Variants in DLG2 observed in about 807,000 individuals in gnomAD.
DLG2 encodes the protein discs large MAGUK scaffold protein 2, also known as disks large homolog 2.
DLG2 carries 45 observed loss-of-function variants against 132.5 expected under a neutral mutation model. That is an observed-to-expected ratio of 0.34 (90% CI 0.27 to 0.44). The LOEUF is 0.44. DLG2 is among the 20% of genes least tolerant of loss of function. The pLI, the probability that DLG2 is intolerant of heterozygous loss-of-function variation, is 1.00. For synonymous variants in DLG2, 424 were observed against 419.6 expected, an observed-to-expected ratio of 1.01 and a Z score of -0.13; for missense variants, 1,045 against 1,196.9, an observed-to-expected ratio of 0.87 and a Z score of 1.87.
At chr11:85,617,709 A>C (rs184771641) in intron 2 of DLG2, among the ~76,000 whole-genome samples, 3 of 152,322 alleles carry the variant, frequency 2.0e-5, no homozygotes, top group African/African-American at 7.2e-5. Flanking sequence ...TAGCTTGTTT[A>C]TTACCTATGA....
At chr11:85,302,734 T>C (rs1317124692) in intron 3 of DLG2, among the ~76,000 whole-genome samples, 1 of 151,056 alleles carries the variant, frequency 6.6e-6, no homozygotes, top group East Asian at 1.9e-4. Context: ...AGCGTAATAG[T>C]AGAGATGAGA....
chr11:84,952,701 A>G (rs188939968), intron 6 of DLG2, among the ~76,000 whole-genome samples: 33 of 152,342 alleles, frequency 2.2e-4, no homozygotes, highest in African/African-American at 7.9e-4. Flanking sequence ...GATTTTAAAA[A>G]AAGAATGTAA....
chr11:84,190,801 T>G (rs781000492), intron 8 of DLG2, among the ~76,000 whole-genome samples: 3 of 152,164 alleles, frequency 2.0e-5, no homozygotes, highest in Non-Finnish European at 4.4e-5. Flanking sequence ...ACTTCCTTCC[T>G]CTTCCCTCAC....
At chr11:83,588,389 A>T (rs377416829) in intron 19 of DLG2, among the ~76,000 whole-genome samples, 6 of 151,876 alleles carry the variant, frequency 4.0e-5, no homozygotes, top group East Asian at 1.9e-4. Flanking sequence ...CACCTCACAC[A>T]GCAGGGTATT....
At chr11:84,506,079 C>CTT (rs779039240) in intron 7 of DLG2, among the ~76,000 whole-genome samples, 3 of 107,022 alleles carry the variant, frequency 2.8e-5, no homozygotes, top group Non-Finnish European at 3.6e-5. Flanking sequence ...AGGCTCAGTT[C>CTT]TTTTTTTTTT....
intron 16 of DLG2, among the ~76,000 whole-genome samples, chr11:83,864,122 T>C (rs773079850): frequency 9.9e-5 from 15 of 152,198 alleles, no homozygotes; most frequent in Non-Finnish European, 1.8e-4. Flanking sequence ...CATGTAAGCA[T>C]GCAACTTCTT....
chr11:83,710,405 A>AC (rs755753216), intron 18 of DLG2, among the ~76,000 whole-genome samples: 21 of 151,798 alleles, frequency 1.4e-4, no homozygotes, highest in Non-Finnish European at 2.5e-4. Context: ...CAAGTGATCC[A>AC]CCCCCGCTCA....
intron 16 of DLG2, among the ~76,000 whole-genome samples, chr11:83,842,176 G>A (rs1436292020): frequency 6.6e-6 from 1 of 152,156 alleles, no homozygotes; most frequent in Non-Finnish European, 1.5e-5. Context: ...ATCATCAGCA[G>A]CATAATCTTA....
intron 7 of DLG2, among the ~76,000 whole-genome samples, chr11:84,312,793 T>A (rs2098301609): frequency 6.6e-6 from 1 of 152,120 alleles, no homozygotes; most frequent in Admixed American, 6.5e-5. Context: ...ATTTTATTTT[T>A]TATTTTTTAT....
chr11:83,773,518 T>C (rs566121237), intron 18 of DLG2, among the ~76,000 whole-genome samples: 80 of 152,330 alleles, frequency 5.3e-4, no homozygotes, highest in African/African-American at 1.8e-3. Flanking sequence ...AAAGTAAAAC[T>C]GAGTGTGTGT....
intron 7 of DLG2, among the ~76,000 whole-genome samples, chr11:84,296,120 G>GA (rs2098085344): frequency 6.6e-6 from 1 of 152,008 alleles, no homozygotes; most frequent in African/African-American, 2.4e-5. Context: ...ACGTATTCCC[G>GA]AAAACACAAC....
At chr11:84,683,811 T>C (rs2099735678) in intron 6 of DLG2, among the ~76,000 whole-genome samples, 2 of 152,156 alleles carry the variant, frequency 1.3e-5, no homozygotes, top group African/African-American at 2.4e-5. Flanking sequence ...TATTGCTGAA[T>C]CCAGAAAAAA....
At chr11:83,955,410 G>A (rs1353844675) in intron 14 of DLG2, among the ~76,000 whole-genome samples, 1 of 152,106 alleles carries the variant, frequency 6.6e-6, no homozygotes, top group Non-Finnish European at 1.5e-5. Context: ...TTGACTAAAA[G>A]TGACAGTGAC....
At chr11:83,805,967 A>G (rs1003157029) in intron 17 of DLG2, among the ~76,000 whole-genome samples, 1 of 152,116 alleles carries the variant, frequency 6.6e-6, no homozygotes, top group Non-Finnish European at 1.5e-5. Flanking sequence ...AATGTCCTAC[A>G]TTACACGCCT....
chr11:84,112,847 C>T (rs983496665), intron 9 of DLG2, among the ~76,000 whole-genome samples: 39 of 152,278 alleles, frequency 2.6e-4, no homozygotes, highest in African/African-American at 9.1e-4. Context: ...CTGCTGTGTT[C>T]AGATTCTAGC....
intron 15 of DLG2, among the ~76,000 whole-genome samples, chr11:83,876,818 G>A (rs2064898738): frequency 6.6e-6 from 1 of 152,020 alleles, no homozygotes. Flanking sequence ...AGAAACATAT[G>A]TAACTTCATA....
At chr11:84,248,274 T>C (rs77224485) in intron 8 of DLG2, among the ~76,000 whole-genome samples, 1,983 of 152,268 alleles carry the variant, frequency 0.013, 16 homozygotes, top group Non-Finnish European at 0.019. Context: ...GTATTCATAT[T>C]TACCATTCTC....
At chr11:84,242,410 CT>C (rs758941958) in intron 8 of DLG2, among the ~76,000 whole-genome samples, 339 of 144,818 alleles carry the variant, frequency 2.3e-3, no homozygotes, top group Non-Finnish European at 2.9e-3. Flanking sequence ...CTAAATAGAA[CT>C]TTTTTTTTTT....
chr11:84,172,318 A>G (rs2095843687), intron 8 of DLG2, among the ~76,000 whole-genome samples: 1 of 152,142 alleles, frequency 6.6e-6, no homozygotes, highest in Non-Finnish European at 1.5e-5. Flanking sequence ...TATAAAAACA[A>G]TCACTGATAT....
Sources: gnomAD v4.1 joint callset for allele counts (sites outside exome capture counted in the v4.1 genomes callset) on GRCh38, gnomAD v4.1.1 for gene constraint, MANE v1.5 for transcripts, NCBI Gene and HGNC (gene_info 2026-07-23, HGNC 2026-07-21) for gene names.